The following AGBL4 variants were observed in gnomAD, a reference collection of about 807,000 sequenced individuals.
The protein encoded by AGBL4 is AGBL carboxypeptidase 4.
A neutral mutation model predicts 66.4 loss-of-function variants in AGBL4; 58 were observed. That is an observed-to-expected ratio of 0.87 (90% CI 0.71 to 1.09). The LOEUF (loss-of-function observed/expected upper bound fraction) is 1.09. Among genes scored for constraint, AGBL4 ranks in the 50% least tolerant of loss-of-function variants. The probability of loss-of-function intolerance (pLI) is 0.00; values close to 1 mark genes in which losing one functional copy is unlikely to be tolerated. For missense variants in AGBL4, 579 were observed against 631.0 expected (o/e 0.92, Z 0.88); for synonymous variants, 234 against 222.9 (o/e 1.05, Z -0.44).
chr1:49,576,611 A>G (rs1381652972), intron 3 of AGBL4, among the ~76,000 whole-genome samples: 2 of 152,206 alleles, frequency 1.3e-5, no homozygotes, highest in African/African-American at 4.8e-5. Flanking sequence ...ATTCTGACTC[A>G]TCTAGCCATA....
intron 4 of AGBL4, among the ~76,000 whole-genome samples, chr1:49,067,263 G>A (rs909113865): frequency 1.3e-5 from 2 of 152,140 alleles, no homozygotes; most frequent in African/African-American, 2.4e-5. Context: ...ATGGGAAGAT[G>A]GAGCAAGGAT....
chr1:49,121,402 C>T (rs1023171949), intron 4 of AGBL4, among the ~76,000 whole-genome samples: 15 of 152,088 alleles, frequency 9.9e-5, no homozygotes, highest in African/African-American at 3.1e-4. Flanking sequence ...GTTGTAGATG[C>T]CTTTTTTGTT....
intron 3 of AGBL4, among the ~76,000 whole-genome samples, chr1:49,543,002 T>C (rs771507741): frequency 7.3e-5 from 11 of 151,244 alleles, no homozygotes; most frequent in Non-Finnish European, 1.6e-4. Context: ...AACGAGATGA[T>C]TGGCATATGG....
intron 5 of AGBL4, among the ~76,000 whole-genome samples, chr1:49,003,851 T>C (rs901377464): frequency 6.6e-6 from 1 of 152,212 alleles, no homozygotes; most frequent in Non-Finnish European, 1.5e-5. Flanking sequence ...CTTCTGCACA[T>C]GAATCCCCTT....
intron 3 of AGBL4, among the ~76,000 whole-genome samples, chr1:49,553,830 A>C (rs888384779): frequency 6.6e-6 from 1 of 152,192 alleles, no homozygotes; most frequent in African/African-American, 2.4e-5. Flanking sequence ...TTATAATTAA[A>C]ATTTAAATTT....
chr1:48,753,852 T>C (rs1358692224), intron 6 of AGBL4, among the ~76,000 whole-genome samples: 2 of 152,248 alleles, frequency 1.3e-5, no homozygotes, highest in Non-Finnish European at 2.9e-5. Flanking sequence ...ATGCCTCTTC[T>C]GGTTAGAATT....
chr1:48,831,938 C>T (rs1041815292), intron 6 of AGBL4, among the ~76,000 whole-genome samples: 4 of 152,142 alleles, frequency 2.6e-5, no homozygotes, highest in Non-Finnish European at 4.4e-5. Context: ...AAAGATTCAC[C>T]TTCATTACAG....
chr1:49,095,443 G>T (rs566201923), intron 4 of AGBL4, among the ~76,000 whole-genome samples: 4 of 152,238 alleles, frequency 2.6e-5, no homozygotes, highest in Non-Finnish European at 5.9e-5. Flanking sequence ...TATACTACAA[G>T]GCTACAGTAA....
Position 50,009,469 on chromosome 1 carries a change from A to G in AGBL4, c.34+14294T>C, listed in dbSNP as rs568167380. Among the ~76,000 whole-genome samples, 3 of 152,130 alleles carry G rather than the reference A, an allele frequency of 2.0e-5. No homozygotes were observed. In the South Asian group the frequency reaches 6.2e-4, roughly 32 times the overall value. ...ATTTGATAAAATTCAACATCCTTTC[A>G]TGATAAAAAAAAAAAACTCAAAAAA... On this transcript the variant is annotated intron_variant, in intron 1 of 13. Coordinates refer to ENST00000371839, the MANE Select transcript of AGBL4 (RefSeq NM_032785.4).
At chr1:49,495,469 C>T (rs1057478903) in intron 3 of AGBL4, among the ~76,000 whole-genome samples, 1 of 151,784 alleles carries the variant, frequency 6.6e-6, no homozygotes, top group South Asian at 2.1e-4. Context: ...ATTAGACAGC[C>T]CTGTCTTAAA....
chr1:48,725,160 C>T (rs1158731991), intron 6 of AGBL4, among the ~76,000 whole-genome samples: 1 of 152,178 alleles, frequency 6.6e-6, no homozygotes, highest in Admixed American at 6.5e-5. Context: ...GAAAGACCAT[C>T]AGTTTGTTGG....
intron 5 of AGBL4, among the ~76,000 whole-genome samples, chr1:48,902,330 G>C (rs1020655660): frequency 2.6e-5 from 4 of 152,108 alleles, no homozygotes; most frequent in African/African-American, 9.7e-5. Context: ...AAAATGAATA[G>C]GGACTATATG....
At chr1:49,911,361 C>T (rs1650810924) in intron 1 of AGBL4, among the ~76,000 whole-genome samples, 1 of 152,218 alleles carries the variant, frequency 6.6e-6, no homozygotes, top group Non-Finnish European at 1.5e-5. Flanking sequence ...CACCTCTTCA[C>T]TCCTACAGAT....
chr1:48,873,979 G>A (rs1488456174), intron 5 of AGBL4, among the ~76,000 whole-genome samples: 2 of 152,156 alleles, frequency 1.3e-5, no homozygotes, highest in African/African-American at 2.4e-5. Context: ...TGGTAGAAGA[G>A]AATAGTCACT....
At chr1:49,291,732 G>A (rs954536203) in intron 3 of AGBL4, among the ~76,000 whole-genome samples, 2 of 152,212 alleles carry the variant, frequency 1.3e-5, no homozygotes, top group Admixed American at 1.3e-4. Context: ...GATGGCAGTG[G>A]TGGCCTGTCT....
intron 1 of AGBL4, among the ~76,000 whole-genome samples, chr1:49,901,459 T>A (rs1245556105): frequency 6.6e-6 from 1 of 151,884 alleles, no homozygotes; most frequent in Non-Finnish European, 1.5e-5. Flanking sequence ...AAAAAAAGAA[T>A]AAAATACATA....
chr1:49,937,557 A>G (rs1364625639), intron 1 of AGBL4, among the ~76,000 whole-genome samples: 2 of 152,252 alleles, frequency 1.3e-5, no homozygotes, highest in East Asian at 1.9e-4. Flanking sequence ...GCACCACACC[A>G]CACCTATTCC....
intron 1 of AGBL4, among the ~76,000 whole-genome samples, chr1:49,942,637 AG>A (rs747405952): frequency 4.6e-5 from 7 of 152,222 alleles, no homozygotes; most frequent in Non-Finnish European, 1.0e-4. Flanking sequence ...CACATGCAAA[AG>A]AATGAAATTG....
intron 5 of AGBL4, among the ~76,000 whole-genome samples, chr1:48,982,263 A>G (rs574015555): frequency 2.4e-4 from 37 of 152,096 alleles, no homozygotes; most frequent in Non-Finnish European, 4.6e-4. Context: ...TGTTACATAT[A>G]TATACATGTG....
Sources: allele counts gnomAD v4.1 joint callset (sites outside exome capture counted in the v4.1 genomes callset), GRCh38; gene constraint gnomAD v4.1.1; transcripts MANE v1.5; gene names NCBI Gene and HGNC (gene_info 2026-07-23, HGNC 2026-07-21).